Variants in FZD7 observed in about 807,000 individuals in gnomAD.
FZD7 encodes the protein frizzled class receptor 7, also known as frizzled-7.
Under a neutral mutation model 39.0 loss-of-function variants are expected in FZD7, and 21 were observed. That is an observed-to-expected ratio of 0.54 (90% CI 0.38 to 0.78). FZD7 has a LOEUF of 0.78. Among genes scored for constraint, FZD7 ranks in the 30% least tolerant of loss-of-function variants. The pLI, the probability that FZD7 is intolerant of heterozygous loss-of-function variation, is 0.00. For missense variants in FZD7, 695 were observed against 805.0 expected, an observed-to-expected ratio of 0.86 and a Z score of 1.65; for synonymous variants, 428 against 364.9, an observed-to-expected ratio of 1.17 and a Z score of -1.97.
At position 202,038,081 on chromosome 2, in the gene FZD7, G is replaced by GTACT. The variant is rs1688776494; in HGVS notation, c.*1709_*1710insTACT. ...ACAGTTTTTAAATGCCAATCATAGA[G>GTACT]GGTACTGTAAAGTGTACAAGTTACT... On this transcript the variant is annotated 3_prime_UTR_variant, in exon 1 of 1. Transcript: ENST00000286201. The GTACT allele has an allele frequency of 2.4e-5, 4 of 167,024 alleles. No individual in the cohort carries two copies. The allele number at this position is 167,024 out of a possible 1,614,324, so 10.3% of individuals were successfully genotyped here.
rs1249728312 is a variant in FZD7, at chr2:202,034,461, TGCGGCGCCTTC to T, written c.-179_-169del. On this transcript the variant is annotated 5_prime_UTR_variant, in exon 1 of 1. Coordinates refer to ENST00000286201, the MANE Select transcript of FZD7 (RefSeq NM_003507.2). Reference sequence around the variant, plus strand: ...CCTGCGAGTGCAGGGCGGCGGCGTCTGCGGCGCCTTCGCGGCGCGGGCACCCAGGCGGCAGC... The same window carrying T: ...CCTGCGAGTGCAGGGCGGCGGCGTCTGCGGCGCGGGCACCCAGGCGGCAGC... 2.8e-6 allele frequency: 1 copy of T among 360,880 alleles called. No homozygotes were observed. Among genetic ancestry groups the T allele is most frequent in the Non-Finnish European group, 4.8e-6 (1 of 207,826 alleles). The allele number at this position is 360,880 out of a possible 1,614,324, so 22.4% of individuals were successfully genotyped here. A position where few individuals can be genotyped will look rare whatever the true frequency, so the allele number is the denominator to read the frequency against.
In FZD7 at chr2:202,035,881, T is replaced by C. The variant is rs1351203371; in HGVS notation, c.1234T>C (p.Tyr412His). The change falls in exon 1 of 1, where the codon TAC (tyrosine) becomes CAC (histidine). Residue 412 changes from tyrosine (Y) to histidine (H), a missense_variant. Transcript: ENST00000286201. ...CGGGGACCTGCTGAGCGGGGTGTGCTACGTTGGCCTCTCCAGTGTGGACGC... is the reference window on the plus strand; with the variant it reads ...CGGGGACCTGCTGAGCGGGGTGTGCCACGTTGGCCTCTCCAGTGTGGACGC... ...VDGDLLSGVCYVGLSSVDALR... is the reference protein window; with the variant it reads ...VDGDLLSGVCHVGLSSVDALR... 6.2e-7 allele frequency: 1 copy of C among 1,614,024 alleles called. No individual in the cohort carries two copies. The highest frequency in any genetic ancestry group is 1.6e-4 in the Middle Eastern group (1 of 6,084).
chr2:202,034,949 TC>T lies in FZD7; in HGVS notation c.303del (p.Leu102TyrfsTer34). The part of the protein sequence containing the change: ...KVQCSPELRF[F>X]LCSMYAPVCT... ...CAGTGTTCTCCCGAACTCCGCTTTTTCTTATGCTCCATGTATGCGCCCGTGT... is the reference window on the plus strand; with the variant it reads ...CAGTGTTCTCCCGAACTCCGCTTTTTTTATGCTCCATGTATGCGCCCGTGT... On this transcript the variant is annotated frameshift_variant, in exon 1 of 1. Coordinates refer to ENST00000286201, the MANE Select transcript of FZD7 (RefSeq NM_003507.2). LOFTEE classifies it high-confidence loss of function. The T allele has an allele frequency of 6.2e-7, 1 of 1,614,166 alleles. No individual in the cohort carries two copies. The highest frequency in any genetic ancestry group is 8.5e-7 in the Non-Finnish European group (1 of 1,180,014).
Position 202,035,199 on chromosome 2 carries a change from C to T in FZD7, c.552C>T (p.Tyr184=), listed in dbSNP as rs1207365396. 5.0e-6 allele frequency: 8 copies of T among 1,599,758 alleles called. No individual in the cohort carries two copies. The highest frequency in any genetic ancestry group is 5.9e-6 in the Non-Finnish European group (7 of 1,179,202). ...GGPTAYPTAP[Y]LPDLPFTALP... is the part of the protein sequence containing the mutation. The stretch of plus-strand genomic sequence containing the variant: ...CCACTGCCTACCCTACCGCGCCCTA[C>T]CTGCCGGACCTGCCCTTCACCGCGC... The change falls in exon 1 of 1, where the codon TAC becomes TAT. Residue 184 remains tyrosine (Y), a synonymous_variant. Transcript: ENST00000286201.
Position 202,037,330 on chromosome 2 carries a change from CTG to C in FZD7, c.*959_*960del, listed in dbSNP as rs1227503470. 3 of 167,114 alleles carry C rather than the reference CTG, an allele frequency of 1.8e-5. No homozygotes were observed. The highest frequency in any genetic ancestry group is 6.5e-5 in the Admixed American group (1 of 15,290). 10.4% of individuals were successfully genotyped at this position (167,114 alleles called of 1,614,324 possible). A position where few individuals can be genotyped will look rare whatever the true frequency, so the allele number is the denominator to read the frequency against. On this transcript the variant is annotated 3_prime_UTR_variant, in exon 1 of 1. Coordinates refer to ENST00000286201, the MANE Select transcript of FZD7 (RefSeq NM_003507.2). ...CTTTTATAGGCAAAGCAGCGCAAAT[CTG>C]AGGTTTCCCGTTGGTTGTTAATTTG...
At position 202,034,878 on chromosome 2, in the gene FZD7, G is replaced by A; in HGVS notation, c.231G>A (p.Glu77=). 1.2e-6 allele frequency: 2 copies of A among 1,614,216 alleles called. No individual in the cohort carries two copies. The highest frequency in any genetic ancestry group is 1.7e-6 in the Non-Finnish European group (2 of 1,180,038). ...LPNLLGHTNQ[E]DAGLEVHQFY... is the part of the protein sequence containing the mutation. ...ACCTGCTGGGCCACACGAACCAAGA[G>A]GACGCGGGCCTCGAGGTGCACCAGT... is the stretch of plus-strand genomic sequence containing the variant. Residue 77 remains glutamate (E), a synonymous_variant, in exon 1 of 1, where the codon GAG becomes GAA. Coordinates refer to ENST00000286201, the MANE Select transcript of FZD7 (RefSeq NM_003507.2).
Position 202,035,854 on chromosome 2 carries a change from G to C in FZD7, c.1207G>C (p.Asp403His). The C allele has an allele frequency of 6.2e-7, 1 of 1,614,144 alleles. No individual in the cohort carries two copies. Among genetic ancestry groups the C allele is most frequent in the Non-Finnish European group, 8.5e-7 (1 of 1,179,990 alleles). ...TITILAMGQV[D>H]GDLLSGVCYV... Reference sequence around the variant, plus strand: ...CACTATCCTGGCCATGGGCCAGGTAGACGGGGACCTGCTGAGCGGGGTGTG... The same window carrying C: ...CACTATCCTGGCCATGGGCCAGGTACACGGGGACCTGCTGAGCGGGGTGTG... Residue 403 changes from aspartate to histidine, a missense_variant, in exon 1 of 1, where the codon GAC (aspartate) becomes CAC (histidine). Coordinates refer to ENST00000286201, the MANE Select transcript of FZD7 (RefSeq NM_003507.2).
Position 202,037,070 on chromosome 2 carries a change from A to G in FZD7, c.*698A>G, listed in dbSNP as rs1284223750. 4 of 167,098 alleles carry G rather than the reference A, an allele frequency of 2.4e-5. No homozygotes were observed. Among genetic ancestry groups the G allele is most frequent in the African/African-American group, 9.7e-5 (4 of 41,446 alleles). 10.4% of individuals were successfully genotyped at this position (167,098 alleles called of 1,614,324 possible). On this transcript the variant is annotated 3_prime_UTR_variant, in exon 1 of 1. Transcript: ENST00000286201. ...AGGATGCAAAAGAAATGATGATAAC[A>G]TTTTGAGATAAGGCCAAGGAGACGT...
rs1688697588 is a variant in FZD7, at chr2:202,034,302, C to G, written c.-346C>G. Among the ~76,000 whole-genome samples the G allele has an allele frequency of 6.6e-6, 1 of 151,682 alleles. No individual in the cohort carries two copies. Among genetic ancestry groups the G allele is most frequent in the Non-Finnish European group, 1.5e-5 (1 of 67,868 alleles). On this transcript the variant is annotated 5_prime_UTR_variant, in exon 1 of 1. Transcript: ENST00000286201. ...CCGGGGGTCCAGAGTCTTGGGCAAA[C>G]TTTGAAGGGTGCCGGAGCCGCTTGT...
chr2:202,034,551 T>C lies in FZD7; in HGVS notation c.-97T>C, dbSNP rs1559183971. The C allele has an allele frequency of 1.8e-6, 2 of 1,097,052 alleles. No homozygotes were observed. The highest frequency in any genetic ancestry group is 2.5e-6 in the Non-Finnish European group (2 of 790,082). 68.0% of individuals were successfully genotyped at this position (1,097,052 alleles called of 1,614,324 possible). A position where few individuals can be genotyped will look rare whatever the true frequency, so the allele number is the denominator to read the frequency against. On this transcript the variant is annotated 5_prime_UTR_variant, in exon 1 of 1. The change abolishes an upstream ATG in the 5' untranslated region. Transcript: ENST00000286201. ...GGCCCCGGCGCCGTGAGGACTCTCA[T>C]GCGTCGGGCGCGGCGGCGCCTCCCC... is the stretch of plus-strand genomic sequence containing the variant.
rs200370632 is a variant in FZD7, at chr2:202,036,186, G to C, written c.1539G>C (p.Val513=). 1 of 1,613,472 alleles carries C rather than the reference G, an allele frequency of 6.2e-7. No homozygotes were observed. Among genetic ancestry groups the C allele is most frequent in the Non-Finnish European group, 8.5e-7 (1 of 1,180,032 alleles). ...TGCAGACGTGCAAGAGCTATGCCGT[G>C]CCCTGCCCGCCCGGCCACTTCCCGC... ...WLLQTCKSYA[V]PCPPGHFPPM... Residue 513 remains valine, a synonymous_variant, in exon 1 of 1, where the codon GTG becomes GTC. Transcript: ENST00000286201.
Position 202,036,384 on chromosome 2 carries a change from TC to T in FZD7, c.*16del. On this transcript the variant is annotated 3_prime_UTR_variant, in exon 1 of 1. Coordinates refer to ENST00000286201, the MANE Select transcript of FZD7 (RefSeq NM_003507.2). Reference sequence around the variant, plus strand: ...AGACTGCGGTATGAGCCCCGGCCCCTCCCCACCTTTCCCACCCCAGCCCTCT... The same window carrying T: ...AGACTGCGGTATGAGCCCCGGCCCCTCCCACCTTTCCCACCCCAGCCCTCT... 6.3e-7 allele frequency: 1 copy of T among 1,580,042 alleles called. No homozygotes were observed. Among genetic ancestry groups the T allele is most frequent in the Non-Finnish European group, 8.6e-7 (1 of 1,156,410 alleles).
chr2:202,035,392 G>A lies in FZD7; in HGVS notation c.745G>A (p.Glu249Lys), dbSNP rs1434945843. 1 of 1,613,456 alleles carries A rather than the reference G, an allele frequency of 6.2e-7. No homozygotes were observed. The change falls in exon 1 of 1, where the codon GAG becomes AAG. Residue 249 changes from glutamate (E) to lysine (K), a missense_variant. Coordinates refer to ENST00000286201, the MANE Select transcript of FZD7 (RefSeq NM_003507.2). ...ANGLMYFKEE[E>K]RRFARLWVGV... is the part of the protein sequence containing the mutation. ...CGGCCTGATGTACTTTAAGGAGGAG[G>A]AGAGGCGCTTCGCCCGCCTCTGGGT...
chr2:202,034,696 G>A lies in FZD7; in HGVS notation c.49G>A (p.Ala17Thr), dbSNP rs982634074. 19 of 1,609,048 alleles carry A rather than the reference G, an allele frequency of 1.2e-5. No individual in the cohort carries two copies. The highest frequency in any genetic ancestry group is 1.7e-5 in the Admixed American group (1 of 59,956). The change falls in exon 1 of 1, where the codon GCC (alanine) becomes ACC (threonine). Residue 17 changes from alanine (A) to threonine (T), a missense_variant. Coordinates refer to ENST00000286201, the MANE Select transcript of FZD7 (RefSeq NM_003507.2). ...TCCGCTTTCGTCCCTGGGCCTCTGT[G>A]CCCTGGTGCTGGCGCTGCTGGGCGC... The part of the protein sequence containing the change: ...AAPLSSLGLC[A>T]LVLALLGALS...
chr2:202,036,566 G>T lies in FZD7; in HGVS notation c.*194G>T, dbSNP rs534534598. 3.4e-6 allele frequency: 2 copies of T among 587,032 alleles called. No individual in the cohort carries two copies. Among genetic ancestry groups the T allele is most frequent in the East Asian group, 5.6e-5 (2 of 35,402 alleles). 36.4% of individuals were successfully genotyped at this position (587,032 alleles called of 1,614,324 possible). A position where few individuals can be genotyped will look rare whatever the true frequency, so the allele number is the denominator to read the frequency against. ...GGAAAAGAAGACCTGGGTGGAAAGCGGTTTGGATGAAAAGATTTCAGGCAA... is the reference window on the plus strand; with the variant it reads ...GGAAAAGAAGACCTGGGTGGAAAGCTGTTTGGATGAAAAGATTTCAGGCAA... On this transcript the variant is annotated 3_prime_UTR_variant, in exon 1 of 1. Coordinates refer to ENST00000286201, the MANE Select transcript of FZD7 (RefSeq NM_003507.2).
chr2:202,035,650 G>A lies in FZD7; in HGVS notation c.1003G>A (p.Gly335Ser), dbSNP rs1263109646. ...RTVAQGTKKE[G>S]CTILFMVLYF... is the part of the protein sequence containing the mutation. ...GGTGGCGCAGGGCACCAAGAAGGAG[G>A]GCTGCACCATCCTCTTCATGGTGCT... is the stretch of plus-strand genomic sequence containing the variant. The change falls in exon 1 of 1, where the codon GGC (glycine) becomes AGC (serine). Residue 335 changes from glycine to serine, a missense_variant. Physicochemically the swap from Gly to Ser is moderately conservative, Grantham distance 56 (BLOSUM62 0). Coordinates refer to ENST00000286201, the MANE Select transcript of FZD7 (RefSeq NM_003507.2). 8 of 1,614,060 alleles carry A rather than the reference G, an allele frequency of 5.0e-6. No individual in the cohort carries two copies. The highest frequency in any genetic ancestry group is 6.8e-6 in the Non-Finnish European group (8 of 1,180,038).
Position 202,035,263 on chromosome 2 carries a change from T to C in FZD7, c.616T>C (p.Phe206Leu). ...GASDGRGRPA[F>L]PFSCPRQLKV... ...CTCAGATGGCAGGGGGCGTCCCGCC[T>C]TCCCCTTCTCATGCCCCCGTCAGCT... The change falls in exon 1 of 1, where the codon TTC (phenylalanine) becomes CTC (leucine). Residue 206 changes from phenylalanine (F) to leucine (L), a missense_variant. Coordinates refer to ENST00000286201, the MANE Select transcript of FZD7 (RefSeq NM_003507.2). 6.2e-7 allele frequency: 1 copy of C among 1,603,762 alleles called. No homozygotes were observed. Among genetic ancestry groups the C allele is most frequent in the Non-Finnish European group, 8.5e-7 (1 of 1,179,058 alleles).
Position 202,034,525 on chromosome 2 carries a change from C to A in FZD7, c.-123C>A, listed in dbSNP as rs1055443009. ...CCTTTGCTCCACGCCGCCCACGGCC[C>A]GGCCCCGGCGCCGTGAGGACTCTCA... On this transcript the variant is annotated 5_prime_UTR_variant, in exon 1 of 1. Transcript: ENST00000286201. 1.3e-4 allele frequency: 103 copies of A among 815,038 alleles called. No individual in the cohort carries two copies. Among genetic ancestry groups the A allele is most frequent in the Non-Finnish European group, 1.7e-4 (94 of 565,050 alleles). 50.5% of individuals were successfully genotyped at this position (815,038 alleles called of 1,614,324 possible). A position where few individuals can be genotyped will look rare whatever the true frequency, so the allele number is the denominator to read the frequency against.
At position 202,034,532 on chromosome 2, in the gene FZD7, G is replaced by A. The variant is rs1241541612; in HGVS notation, c.-116G>A. The A allele has an allele frequency of 2.3e-6, 2 of 872,056 alleles. No homozygotes were observed. Among genetic ancestry groups the A allele is most frequent in the Non-Finnish European group, 3.3e-6 (2 of 611,828 alleles). 54.0% of individuals were successfully genotyped at this position (872,056 alleles called of 1,614,324 possible). Reference sequence around the variant, plus strand: ...TCCACGCCGCCCACGGCCCGGCCCCGGCGCCGTGAGGACTCTCATGCGTCG... The same window carrying A: ...TCCACGCCGCCCACGGCCCGGCCCCAGCGCCGTGAGGACTCTCATGCGTCG... On this transcript the variant is annotated 5_prime_UTR_variant, in exon 1 of 1. Coordinates refer to ENST00000286201, the MANE Select transcript of FZD7 (RefSeq NM_003507.2).
Sources: gnomAD v4.1 joint callset for allele counts (sites outside exome capture counted in the v4.1 genomes callset) on GRCh38, gnomAD v4.1.1 for gene constraint, MANE v1.5 for transcripts, NCBI Gene and HGNC (gene_info 2026-07-23, HGNC 2026-07-21) for gene names.